WDR72: variants seen among roughly 807,000 people sequenced by gnomAD.
WDR72 encodes WD repeat-containing protein 72.
In WDR72, 120 loss-of-function variants were observed where a neutral mutation model predicts 124.2. The ratio of observed to expected loss-of-function variants is 0.97; its 90% confidence interval spans 0.83 to 1.12. WDR72 has a LOEUF of 1.12. Ranked by LOEUF, WDR72 falls within the 50% of genes most tolerant of loss-of-function variation. The pLI is 0.00. For synonymous variants in WDR72, 452 were observed against 441.7 expected (o/e 1.02, Z -0.29); for missense variants, 1,387 against 1,278.8 (o/e 1.08, Z -1.29).
intron 18 of WDR72, among the ~76,000 whole-genome samples, chr15:53,527,980 G>A (rs1336996868): frequency 1.3e-5 from 2 of 152,082 alleles, no homozygotes; most frequent in Non-Finnish European, 2.9e-5. Flanking sequence ...CATTCTAGAA[G>A]TATGGAAGTG....
At chr15:53,746,476 C>T (rs1030646348) in intron 1 of WDR72, among the ~76,000 whole-genome samples, 4 of 152,128 alleles carry the variant, frequency 2.6e-5, no homozygotes, top group African/African-American at 9.7e-5. Flanking sequence ...AACATCCTAA[C>T]CAGAATAAAC....
At chr15:53,597,007 C>T in intron 18 of WDR72, 72 bp downstream of exon 18, 1 of 1,453,182 alleles carries the variant, frequency 6.9e-7, no homozygotes, top group Non-Finnish European at 9.6e-7. Context: ...TCAGTTGCAC[C>T]ACCATAAGTT....
intron 17 of WDR72, among the ~76,000 whole-genome samples, chr15:53,599,994 G>A (rs1332866369): frequency 6.6e-6 from 1 of 152,146 alleles, no homozygotes; most frequent in East Asian, 1.9e-4. Context: ...GGTACTCAGA[G>A]CCACAACATT....
At chr15:53,520,047 C>T (rs1305877111) in intron 19 of WDR72, among the ~76,000 whole-genome samples, 1 of 152,056 alleles carries the variant, frequency 6.6e-6, no homozygotes, top group African/African-American at 2.4e-5. Context: ...ATCAACTTCA[C>T]TTTTTCCAAA....
At chr15:53,660,448 T>C (rs2015571377) in intron 14 of WDR72, among the ~76,000 whole-genome samples, 2 of 152,122 alleles carry the variant, frequency 1.3e-5, no homozygotes, top group Non-Finnish European at 2.9e-5. Flanking sequence ...TGATAGGTAG[T>C]AGTGGGATCA....
intron 2 of WDR72, 115 bp downstream of exon 2, chr15:53,732,882 A>G: frequency 7.9e-7 from 1 of 1,267,176 alleles, no homozygotes; most frequent in Non-Finnish European, 1.1e-6. Flanking sequence ...TTATTACTTT[A>G]ATAAACATCT....
chr15:53,558,394 G>A (rs1894005370), intron 18 of WDR72, among the ~76,000 whole-genome samples: 1 of 151,966 alleles, frequency 6.6e-6, no homozygotes, highest in Non-Finnish European at 1.5e-5. Context: ...TAGCCCTGAT[G>A]TTTACAAACA....
chr15:53,708,055 T>C (rs1019755827), intron 9 of WDR72, among the ~76,000 whole-genome samples: 5 of 152,162 alleles, frequency 3.3e-5, no homozygotes, highest in Non-Finnish European at 5.9e-5. Flanking sequence ...TGCTTCTCAC[T>C]TGCTCACACT....
chr15:53,601,016 T>G (rs1417349022), intron 17 of WDR72, among the ~76,000 whole-genome samples: 2 of 152,132 alleles, frequency 1.3e-5, no homozygotes, highest in Non-Finnish European at 2.9e-5. Flanking sequence ...AGGTAAACAT[T>G]CAACTTCTAG....
intron 14 of WDR72, among the ~76,000 whole-genome samples, chr15:53,638,056 T>C (rs2014690530): frequency 6.6e-6 from 1 of 152,214 alleles, no homozygotes; most frequent in African/African-American, 2.4e-5. Context: ...AATGAATGCA[T>C]GAAATAGTAC....
At chr15:53,755,656 T>C (rs2018881676) in intron 1 of WDR72, among the ~76,000 whole-genome samples, 1 of 152,226 alleles carries the variant, frequency 6.6e-6, no homozygotes, top group South Asian at 2.1e-4. Flanking sequence ...GAGAATGAGA[T>C]GAAGGCCCCA....
At chr15:53,752,639 G>A (rs773296361) in intron 1 of WDR72, among the ~76,000 whole-genome samples, 2 of 152,200 alleles carry the variant, frequency 1.3e-5, no homozygotes, top group Non-Finnish European at 2.9e-5. Flanking sequence ...ACACATTTCT[G>A]TTGTGTAAGT....
At chr15:53,609,714 G>A (rs1019714962) in intron 16 of WDR72, 122 bp from the exon 17 acceptor site, 1 of 781,972 alleles carries the variant, frequency 1.3e-6, no homozygotes, top group Admixed American at 2.0e-5. Flanking sequence ...CAATGCCCAG[G>A]TTCAATCTTC....
chr15:53,704,588 G>A (rs181436366), intron 11 of WDR72, among the ~76,000 whole-genome samples: 8 of 151,098 alleles, frequency 5.3e-5, no homozygotes, highest in South Asian at 2.1e-4. Flanking sequence ...GTGCAGTGGC[G>A]TGATCTCAGC....
intron 1 of WDR72, among the ~76,000 whole-genome samples, chr15:53,736,050 TA>T (rs879337912): frequency 2.7e-4 from 40 of 150,070 alleles, no homozygotes; most frequent in African/African-American, 7.6e-4. Context: ...AAGAAGTCAT[TA>T]AAAAAAAATG....
In WDR72 at chr15:53,517,485, T is replaced by C. The variant is rs1328791851; in HGVS notation, c.*214A>G. The C allele has an allele frequency of 5.6e-6, 3 of 536,692 alleles. No homozygotes were observed. In the Admixed American group the frequency reaches 9.2e-5, roughly 16 times the overall value. 33.2% of individuals were successfully genotyped at this position (536,692 alleles called of 1,614,324 possible). On this transcript the variant is annotated 3_prime_UTR_variant, in exon 20 of 20. Coordinates refer to ENST00000360509, the MANE Select transcript of WDR72 (RefSeq NM_182758.4). ...TGATCTAGGCAATATTTTTCTAAAATTAGATGAATATGAATATTTTCAATC... is the reference window on the plus strand; with the variant it reads ...TGATCTAGGCAATATTTTTCTAAAACTAGATGAATATGAATATTTTCAATC...
chr15:53,675,275 G>A (rs1303559913), intron 13 of WDR72, among the ~76,000 whole-genome samples: 1 of 151,590 alleles, frequency 6.6e-6, no homozygotes, highest in African/African-American at 2.4e-5. Context: ...CCTGGAAGGC[G>A]GAGGTTGCAG....
rs1024369626 is a variant in WDR72 at position 53,714,506 on chromosome 15, A to C, written c.519T>G (p.Asp173Glu). The C allele has an allele frequency of 1.9e-6, 3 of 1,612,788 alleles. No individual in the cohort carries two copies. In the Admixed American group the frequency reaches 5.0e-5, roughly 27 times the overall value. ...CAGCTACTGATACCACCAAGAGAGA[A>C]TCTTCTGTGAAAATAATAAAAGTCA... Reference protein sequence around the residue: ...CIVHSMRIQEDSLLVVSVAGE... With the variant: ...CIVHSMRIQEESLLVVSVAGE... Residue 173 changes from aspartate to glutamate, a missense_variant, in exon 6 of 20, where the codon GAT becomes GAG. Physicochemically the swap from Asp to Glu is conservative, Grantham distance 45. Transcript: ENST00000360509.
In WDR72 at chr15:53,710,961, G is replaced by A. The variant is rs749293780; in HGVS notation, c.858-8C>T. Reference sequence around the variant, plus strand: ...ATGCTTTTTGAAAGCCCACTGCGTGGCAAAAATAAAAAGCAAAGTTTAGAA... The same window carrying A: ...ATGCTTTTTGAAAGCCCACTGCGTGACAAAAATAAAAAGCAAAGTTTAGAA... On this transcript the variant is annotated splice_region_variant and splice_polypyrimidine_tract_variant and intron_variant, in intron 8 of 19. Transcript: ENST00000360509. 29 of 1,610,550 alleles carry A rather than the reference G, an allele frequency of 1.8e-5. No individual in the cohort carries two copies. The South Asian group carries it at 3.1e-4, about 17-fold the overall frequency.
Sources: allele counts gnomAD v4.1 joint callset (sites outside exome capture counted in the v4.1 genomes callset), GRCh38; gene constraint gnomAD v4.1.1; transcripts MANE v1.5; gene names NCBI Gene and HGNC (gene_info 2026-07-23, HGNC 2026-07-21).